KNL1: variants seen among roughly 807,000 people sequenced by gnomAD.
KNL1 encodes the protein kinetochore scaffold 1, also known as outer kinetochore KNL1 complex subunit KNL1.
KNL1 carries 66 observed loss-of-function variants against 201.3 expected under a neutral mutation model. That is an observed-to-expected ratio of 0.33 (90% CI 0.27 to 0.40). The LOEUF is 0.40. Among genes scored for constraint, KNL1 ranks in the 10% least tolerant of loss-of-function variants. KNL1 has a pLI of 1.00. For missense variants in KNL1, 2,815 were observed against 2,690.5 expected (o/e 1.05, Z -1.02); for synonymous variants, 895 against 899.2 (o/e 1.00, Z 0.08).
chr15:40,651,640 A>G, intron 20 of KNL1, 68 bp downstream of exon 20: 2 of 1,073,498 alleles, frequency 1.9e-6, no homozygotes, highest in Non-Finnish European at 1.4e-6. Flanking sequence ...AACCGATTGG[A>G]GCAATTGATG....
intron 13 of KNL1, among the ~76,000 whole-genome samples, chr15:40,637,892 A>T (rs1389512165): frequency 6.6e-6 from 1 of 151,926 alleles, no homozygotes; most frequent in Non-Finnish European, 1.5e-5. Flanking sequence ...AATCCAAAAT[A>T]CTTAGCTGGG....
In KNL1 at chr15:40,620,786, C is replaced by T. The variant is rs755101736; in HGVS notation, c.522C>T (p.Ser174=). 7 of 1,612,480 alleles carry T rather than the reference C, an allele frequency of 4.3e-6. No homozygotes were observed. Among genetic ancestry groups the T allele is most frequent in the East Asian group, 2.2e-5 (1 of 44,798 alleles). ...TAGATAATCCCATAAGTGAAAAGTCCACCAAGATAGATACCACATCATTTC... is the reference window on the plus strand; with the variant it reads ...TAGATAATCCCATAAGTGAAAAGTCTACCAAGATAGATACCACATCATTTC... ...GLLDNPISEK[S]TKIDTTSFLA... The change falls in exon 10 of 26, where the codon TCC becomes TCT. Residue 174 remains serine, a synonymous_variant. Transcript: ENST00000399668.
intron 13 of KNL1, among the ~76,000 whole-genome samples, chr15:40,630,009 T>C (rs1892868900): frequency 6.6e-6 from 1 of 152,050 alleles, no homozygotes; most frequent in Non-Finnish European, 1.5e-5. Context: ...TAGCAGAGGT[T>C]TTTAATGAAC....
intron 17 of KNL1, among the ~76,000 whole-genome samples, chr15:40,649,537 T>C (rs191531366): frequency 3.2e-4 from 49 of 151,566 alleles, no homozygotes; most frequent in African/African-American, 1.1e-3. Context: ...TCAAGTGATC[T>C]GCCCATCTCA....
intron 8 of KNL1, chr15:40,616,057 G>A (rs12915636): frequency 0.38 from 56,534 of 147,046 alleles, 11,228 homozygotes; most frequent in Non-Finnish European, 0.45. Flanking sequence ...GAGCCACCGC[G>A]CCTGGCCCAG....
rs778618588 is a variant in KNL1 at position 40,651,473 on chromosome 15, A to G, written c.6215A>G (p.Asn2072Ser). ...LKTEEEELQR[N>S]LLELEVQKEQ... ...TGAATACCTGCTTTTATTTGCAGAAATCTCTTAGAACTGGAGGTACAAAAA... is the reference window on the plus strand; with the variant it reads ...TGAATACCTGCTTTTATTTGCAGAAGTCTCTTAGAACTGGAGGTACAAAAA... The change falls in exon 20 of 26, where the codon AAT becomes AGT. Residue 2072 changes from asparagine to serine, a missense_variant and splice_region_variant. This residue lies in a region of KNL1 where 334 missense variants were observed against 362.6 expected (regional missense o/e 0.92). Transcript: ENST00000399668. 33 of 1,589,820 alleles carry G rather than the reference A, an allele frequency of 2.1e-5. No homozygotes were observed. The highest frequency in any genetic ancestry group is 2.7e-5 in the Non-Finnish European group (32 of 1,172,016).
At chr15:40,625,846 C>A in intron 10 of KNL1, 3 of 455,140 alleles carry the variant, frequency 6.6e-6, no homozygotes, top group South Asian at 7.0e-5. Flanking sequence ...TTTAAAGTGA[C>A]AAATAGTCAC....
intron 1 of KNL1, among the ~76,000 whole-genome samples, chr15:40,602,091 G>T (rs1459026870): frequency 6.6e-6 from 1 of 150,714 alleles, no homozygotes; most frequent in African/African-American, 2.4e-5. Context: ...CTGTGGTGGC[G>T]CTATCTCGGC....
Position 40,651,492 on chromosome 15 carries a change from A to T in KNL1, c.6234A>T (p.Val2078=). 1.9e-6 allele frequency: 3 copies of T among 1,606,906 alleles called. No homozygotes were observed. The highest frequency in any genetic ancestry group is 2.2e-5 in the South Asian group (2 of 89,544). The change falls in exon 20 of 26, where the codon GTA becomes GTT. Residue 2078 remains valine, a synonymous_variant. Transcript: ENST00000399668. The stretch of plus-strand genomic sequence containing the variant: ...GCAGAAATCTCTTAGAACTGGAGGT[A>T]CAAAAAGAGCAGACCCTTGCTCAAA... ...ELQRNLLELE[V]QKEQTLAQID...
chr15:40,656,843 G>A (rs141139429), intron 22 of KNL1, among the ~76,000 whole-genome samples, 199 bp from the exon 23 acceptor site: 19 of 151,994 alleles, frequency 1.3e-4, no homozygotes, highest in East Asian at 1.2e-3. Context: ...CCAAGATCAC[G>A]CCATGGTACT....
At chr15:40,602,078 G>A (rs1471886215) in intron 1 of KNL1, among the ~76,000 whole-genome samples, 2 of 150,460 alleles carry the variant, frequency 1.3e-5, no homozygotes, top group Non-Finnish European at 3.0e-5. Flanking sequence ...CGCCCAGGCC[G>A]GACTGTGGTG....
In KNL1 at chr15:40,625,608, ATTAAGT is replaced by A. The variant is rs1892724589; in HGVS notation, c.5348_5353del (p.Lys1783_Phe1784del). 1 of 1,610,628 alleles carries A rather than the reference ATTAAGT, an allele frequency of 6.2e-7. No individual in the cohort carries two copies. The highest frequency in any genetic ancestry group is 1.1e-5 in the South Asian group (1 of 90,132). ...GGAGAAAAAAATCAGAAAAAATGAG[ATTAAGT>A]TTAGTGATACGACACAAGATCGGGA... On this transcript the variant is annotated inframe_deletion, in exon 10 of 26. Coordinates refer to ENST00000399668, the MANE Select transcript of KNL1 (RefSeq NM_144508.5).
chr15:40,617,957 T>A (rs1892395436), intron 8 of KNL1, among the ~76,000 whole-genome samples: 1 of 58,512 alleles, frequency 1.7e-5, no homozygotes. Flanking sequence ...AAGCCTGAAA[T>A]ATAAATAAGG....
In KNL1 at chr15:40,624,042, G is replaced by A; in HGVS notation, c.3778G>A (p.Val1260Ile). The part of the protein sequence containing the change: ...AAMDEKVIGK[V>I]VDQACTLEKA... ...TATGGATGAAAAGGTCATAGGGAAA[G>A]TTGTAGACCAGGCCTGTACATTGGA... The change falls in exon 10 of 26, where the codon GTT (valine) becomes ATT (isoleucine). Residue 1260 changes from valine to isoleucine, a missense_variant. By Grantham distance (29) the Val-to-Ile change is conservative. Coordinates refer to ENST00000399668, the MANE Select transcript of KNL1 (RefSeq NM_144508.5). 3 of 1,614,026 alleles carry A rather than the reference G, an allele frequency of 1.9e-6. No homozygotes were observed. The highest frequency in any genetic ancestry group is 4.5e-5 in the East Asian group (2 of 44,874).
In KNL1 at chr15:40,662,126, C is replaced by A; in HGVS notation, c.6889C>A (p.Leu2297Met). ...LSKVPLENNY[L>M]KNVVKQIYQD... The stretch of plus-strand genomic sequence containing the variant: ...TAAAGTGCCACTGGAGAACAACTAC[C>A]TGAAGAATGTAGTCAAGCAAATTTA... Residue 2297 changes from leucine to methionine, a missense_variant, in exon 26 of 26, where the codon CTG becomes ATG. Physicochemically the swap from Leu to Met is conservative, Grantham distance 15 (BLOSUM62 2). Transcript: ENST00000399668. 1 of 1,613,004 alleles carries A rather than the reference C, an allele frequency of 6.2e-7. No homozygotes were observed. Among genetic ancestry groups the A allele is most frequent in the Non-Finnish European group, 8.5e-7 (1 of 1,179,036 alleles).
chr15:40,649,862 T>G (rs982552945), intron 17 of KNL1, among the ~76,000 whole-genome samples: 2 of 152,196 alleles, frequency 1.3e-5, no homozygotes, highest in African/African-American at 4.8e-5. Flanking sequence ...TCATGGCTCT[T>G]TTGTTAGTAC....
Position 40,623,401 on chromosome 15 carries a change from A to G in KNL1, c.3137A>G (p.Lys1046Arg), listed in dbSNP as rs752343467. ...LSKSATCKNI[K>R]DVQSPGFLNE... ...AAATCAGCCACTTGCAAAAACATCA[A>G]AGATGTACAAAGTCCTGGATTTCTG... The change falls in exon 10 of 26, where the codon AAA becomes AGA. Residue 1046 changes from lysine (K) to arginine (R), a missense_variant. By Grantham distance (26) the Lys-to-Arg change is conservative. Coordinates refer to ENST00000399668, the MANE Select transcript of KNL1 (RefSeq NM_144508.5). 64 of 1,614,002 alleles carry G rather than the reference A, an allele frequency of 4.0e-5. 1 individual carries two copies. The South Asian group carries it at 7.0e-4, about 18-fold the overall frequency.
intron 13 of KNL1, among the ~76,000 whole-genome samples, chr15:40,630,715 C>T (rs1162362601): frequency 6.6e-6 from 1 of 152,156 alleles, no homozygotes; most frequent in African/African-American, 2.4e-5. Flanking sequence ...CCTCCCCACC[C>T]CGAGATGGGA....
At position 40,652,054 on chromosome 15, in the gene KNL1, A is replaced by G; in HGVS notation, c.6364A>G (p.Thr2122Ala). Residue 2122 changes from threonine to alanine, a missense_variant, in exon 21 of 26, where the codon ACC becomes GCC. Around this residue, in one of 3 missense-constraint regions of KNL1, gnomAD observed 334 missense variants for 362.6 expected, o/e 0.92. Transcript: ENST00000399668. ...GTGGAGTGATGATCAAGCTGTATTCACCTTTGTTTATGACACGATACAACT... is the reference window on the plus strand; with the variant it reads ...GTGGAGTGATGATCAAGCTGTATTCGCCTTTGTTTATGACACGATACAACT... ...VEWSDDQAVF[T>A]FVYDTIQLTI... The G allele has an allele frequency of 6.2e-7, 1 of 1,613,888 alleles. No homozygotes were observed. The highest frequency in any genetic ancestry group is 8.5e-7 in the Non-Finnish European group (1 of 1,179,874).
Sources: gnomAD v4.1 joint callset for allele counts (sites outside exome capture counted in the v4.1 genomes callset) on GRCh38, gnomAD v4.1.1 for gene constraint, gnomAD v4.1.1 regional missense constraint, MANE v1.5 for transcripts, NCBI Gene and HGNC (gene_info 2026-07-23, HGNC 2026-07-21) for gene names.